Variants in LRBA observed in about 807,000 individuals in gnomAD.
LRBA encodes lipopolysaccharide-responsive and beige-like anchor protein.
LRBA carries 176 observed loss-of-function variants against 330.0 expected under a neutral mutation model. That is an observed-to-expected ratio of 0.53 (90% confidence interval 0.47 to 0.60). LRBA has a LOEUF of 0.60. Ranked by LOEUF, LRBA falls within the 20% of genes least tolerant of loss-of-function variation. The pLI, the probability that LRBA is intolerant of heterozygous loss-of-function variation, is 0.00. For missense variants in LRBA, 3,259 were observed against 3,444.8 expected (o/e 0.95, Z 1.35); for synonymous variants, 1,230 against 1,193.0 (o/e 1.03, Z -0.64).
At chr4:150,606,585 G>C (rs1183852002) in intron 37 of LRBA, among the ~76,000 whole-genome samples, 1 of 152,122 alleles carries the variant, frequency 6.6e-6, no homozygotes, top group Non-Finnish European at 1.5e-5. Context: ...GCTACACACT[G>C]TTCTCTGTTA....
At chr4:150,616,418 G>T (rs2126604127) in intron 37 of LRBA, among the ~76,000 whole-genome samples, 1 of 152,200 alleles carries the variant, frequency 6.6e-6, no homozygotes, top group African/African-American at 2.4e-5. Context: ...TCTCATATTG[G>T]CAGTAAGAAG....
chr4:150,995,371 G>A (rs1229002539), intron 2 of LRBA, among the ~76,000 whole-genome samples: 1 of 151,592 alleles, frequency 6.6e-6, no homozygotes, highest in Non-Finnish European at 1.5e-5. Flanking sequence ...AAGCCCCCAA[G>A]AATCAGCAGA....
intron 44 of LRBA, among the ~76,000 whole-genome samples, chr4:150,456,541 A>T (rs1012957845): frequency 3.9e-5 from 6 of 152,054 alleles, no homozygotes; most frequent in African/African-American, 1.4e-4. Flanking sequence ...TTTCCTATAG[A>T]CCTGCTTGAG....
At chr4:150,435,048 G>C (rs1432698707) in intron 46 of LRBA, among the ~76,000 whole-genome samples, 1 of 151,808 alleles carries the variant, frequency 6.6e-6, no homozygotes, top group Admixed American at 6.6e-5. Flanking sequence ...CAGTCATGTA[G>C]AACTTACAGG....
chr4:150,349,485 T>C (rs1355247362), intron 48 of LRBA, among the ~76,000 whole-genome samples: 1 of 152,194 alleles, frequency 6.6e-6, no homozygotes. Flanking sequence ...TTAAGTGTTT[T>C]ACTTGAGAAA....
chr4:150,565,775 G>A (rs1041214075), intron 40 of LRBA, among the ~76,000 whole-genome samples: 7 of 152,084 alleles, frequency 4.6e-5, no homozygotes, highest in Non-Finnish European at 1.0e-4. Flanking sequence ...TTTATAGTGT[G>A]AAATACATTT....
At chr4:150,616,802 GA>G (rs1334413386) in intron 37 of LRBA, among the ~76,000 whole-genome samples, 6 of 152,196 alleles carry the variant, frequency 3.9e-5, no homozygotes, top group Admixed American at 1.3e-4. Flanking sequence ...ATTTGGGGGG[GA>G]AAGCATGAAT....
chr4:150,555,270 T>C (rs1767147647), intron 40 of LRBA, among the ~76,000 whole-genome samples: 1 of 152,114 alleles, frequency 6.6e-6, no homozygotes, highest in Admixed American at 6.5e-5. Flanking sequence ...CTACTACCTA[T>C]CCTCAAATTG....
chr4:150,740,335 A>C (rs1201749038), intron 35 of LRBA, among the ~76,000 whole-genome samples: 1 of 152,158 alleles, frequency 6.6e-6, no homozygotes, highest in African/African-American at 2.4e-5. Flanking sequence ...AAGTTAAATA[A>C]GGATAAGAAC....
intron 56 of LRBA, among the ~76,000 whole-genome samples, chr4:150,269,441 A>G (rs1352079965): frequency 6.6e-6 from 1 of 152,178 alleles, no homozygotes; most frequent in African/African-American, 2.4e-5. Context: ...ATGCAAAACA[A>G]TGAAGGTGGA....
At chr4:150,766,880 T>C (rs527513483) in intron 34 of LRBA, among the ~76,000 whole-genome samples, 1 of 152,304 alleles carries the variant, frequency 6.6e-6, no homozygotes, top group African/African-American at 2.4e-5. Context: ...GAGTCAATAA[T>C]TTCATACCTG....
intron 36 of LRBA, among the ~76,000 whole-genome samples, chr4:150,695,724 G>A (rs951109599): frequency 1.3e-5 from 2 of 152,092 alleles, no homozygotes; most frequent in African/African-American, 4.8e-5. Context: ...CACACAGAGA[G>A]GTAAAATTAA....
intron 53 of LRBA, among the ~76,000 whole-genome samples, chr4:150,301,096 T>A (rs1226767284): frequency 6.6e-6 from 1 of 152,024 alleles, no homozygotes; most frequent in Non-Finnish European, 1.5e-5. Context: ...CCTGAGATAA[T>A]TGAGTGAATC....
chr4:150,824,863 C>T (rs1745994347), intron 30 of LRBA, among the ~76,000 whole-genome samples: 1 of 152,142 alleles, frequency 6.6e-6, no homozygotes, highest in South Asian at 2.1e-4. Flanking sequence ...TAGTGTCAAA[C>T]TCCTGGGCTC....
intron 2 of LRBA, among the ~76,000 whole-genome samples, chr4:150,983,380 A>T (rs1741070161): frequency 6.6e-6 from 1 of 150,932 alleles, no homozygotes; most frequent in Non-Finnish European, 1.5e-5. Context: ...GCTTGACCCC[A>T]GGAGGTTGAG....
intron 37 of LRBA, among the ~76,000 whole-genome samples, chr4:150,664,886 A>C (rs1781436261): frequency 6.6e-6 from 1 of 152,158 alleles, no homozygotes; most frequent in Admixed American, 6.5e-5. Context: ...GAACTTTTTG[A>C]GACATAACTC....
At chr4:150,544,500 C>T (rs78682258) in intron 40 of LRBA, among the ~76,000 whole-genome samples, 2 of 152,162 alleles carry the variant, frequency 1.3e-5, no homozygotes, top group African/African-American at 2.4e-5. Context: ...CTTCAAATGT[C>T]GTTTCCTCAA....
chr4:150,883,800 T>G (rs752369199), intron 17 of LRBA, among the ~76,000 whole-genome samples: 26 of 152,290 alleles, frequency 1.7e-4, no homozygotes, highest in Admixed American at 5.2e-4. Context: ...ATCTTCACAT[T>G]TCTATATACT....
chr4:150,740,022 G>C (rs1400989822), intron 35 of LRBA, among the ~76,000 whole-genome samples: 16 of 152,096 alleles, frequency 1.1e-4, no homozygotes, highest in Non-Finnish European at 8.8e-5. Flanking sequence ...GCTAAGTTGT[G>C]ATAATATTGT....
Sources: gnomAD v4.1 joint callset for allele counts (sites outside exome capture counted in the v4.1 genomes callset) on GRCh38, gnomAD v4.1.1 for gene constraint, MANE v1.5 for transcripts, NCBI Gene and HGNC (gene_info 2026-07-23, HGNC 2026-07-21) for gene names.